The following RANGAP1 variants were observed in gnomAD, a reference collection of about 807,000 sequenced individuals.
The protein encoded by RANGAP1 is Ran GTPase activating protein 1.
Under a neutral mutation model 63.5 loss-of-function variants are expected in RANGAP1, and 38 were observed. That is an observed-to-expected ratio of 0.60 (90% CI 0.46 to 0.78). The LOEUF (loss-of-function observed/expected upper bound fraction) is 0.78, where lower values mean the gene tolerates loss of function less well. RANGAP1 is among the 30% of genes least tolerant of loss of function. RANGAP1 has a pLI of 0.00. For synonymous variants in RANGAP1, 329 were observed against 310.5 expected (o/e 1.06, Z -0.63); for missense variants, 630 against 740.3 (o/e 0.85, Z 1.73).
At chr22:41,270,172 C>T (rs932222650) in intron 3 of RANGAP1, among the ~76,000 whole-genome samples, 1 of 151,814 alleles carries the variant, frequency 6.6e-6, no homozygotes, top group Non-Finnish European at 1.5e-5. Context: ...GACGGAGTTT[C>T]ACTCATCGCC....
chr22:41,281,076 C>G lies in RANGAP1; in HGVS notation c.-32G>C, dbSNP rs985247334. Reference sequence around the variant, plus strand: ...TAGGCTGGTGGGCTCCCCTGGAGATCTGCAGACTGAGGAGGCCAAAGTTGC... The same window carrying G: ...TAGGCTGGTGGGCTCCCCTGGAGATGTGCAGACTGAGGAGGCCAAAGTTGC... On this transcript the variant is annotated 5_prime_UTR_variant, in exon 2 of 16. Coordinates refer to ENST00000356244, the MANE Select transcript of RANGAP1 (RefSeq NM_002883.4). 6.4e-7 allele frequency: 1 copy of G among 1,552,428 alleles called. No individual in the cohort carries two copies. The highest frequency in any genetic ancestry group is 2.2e-5 in the East Asian group (1 of 44,578).
chr22:41,285,830 C>G, intron 1 of RANGAP1, 156 bp downstream of exon 1: 1 of 542,720 alleles, frequency 1.8e-6, no homozygotes, highest in Non-Finnish European at 2.3e-6. Context: ...TCAACAACCC[C>G]ACTCCCACCG....
At position 41,244,984 on chromosome 22, in the gene RANGAP1, TA is replaced by T. The variant is rs1346030269; in HGVS notation, c.*1618del. On this transcript the variant is annotated 3_prime_UTR_variant, in exon 16 of 16. Coordinates refer to ENST00000356244, the MANE Select transcript of RANGAP1 (RefSeq NM_002883.4). The stretch of plus-strand genomic sequence containing the variant: ...ATTTGCTTATTCTAGATGCCTCATC[TA>T]AATGGAATCATATTTGTCCTTTTGT... Among the ~76,000 whole-genome samples, 1 of 152,238 alleles carries T rather than the reference TA, an allele frequency of 6.6e-6. No homozygotes were observed. The highest frequency in any genetic ancestry group is 1.5e-5 in the Non-Finnish European group (1 of 68,052).
chr22:41,277,510 G>A (rs949020466), intron 2 of RANGAP1: 28 of 1,196,286 alleles, frequency 2.3e-5, no homozygotes, highest in Non-Finnish European at 3.0e-5. Flanking sequence ...GGTACAGGAT[G>A]GAGTAGGGTG....
chr22:41,288,632 A>G (rs2035800687), upstream of RANGAP1, among the ~76,000 whole-genome samples: 1 of 152,082 alleles, frequency 6.6e-6, no homozygotes, highest in Admixed American at 6.6e-5. Context: ...TCCCAAAGGG[A>G]AGAGGAAGGT....
intron 10 of RANGAP1, 82 bp downstream of exon 10, chr22:41,255,939 G>T: frequency 7.2e-7 from 1 of 1,387,054 alleles, no homozygotes; most frequent in Non-Finnish European, 1.0e-6. Flanking sequence ...GGGGAACAGA[G>T]CAAGACTCCA....
chr22:41,249,719 C>G lies in RANGAP1; in HGVS notation c.1572+10G>C. 2.5e-6 allele frequency: 4 copies of G among 1,609,842 alleles called. No homozygotes were observed. Among genetic ancestry groups the G allele is most frequent in the Non-Finnish European group, 3.4e-6 (4 of 1,176,156 alleles). On this transcript the variant is annotated intron_variant, in intron 14 of 15. Transcript: ENST00000356244. ...CTCCCTCCCGGGCCTGCTGTTCCTT[C>G]CGGCCTCACCTTGAGCAGACCCATG...
At chr22:41,290,378 C>T (rs1212231711), upstream of RANGAP1, among the ~76,000 whole-genome samples, 1 of 151,960 alleles carries the variant, frequency 6.6e-6, no homozygotes, top group African/African-American at 2.4e-5. Context: ...TACAGGTTCC[C>T]ACCACCATGC....
At position 41,254,786 on chromosome 22, in the gene RANGAP1, C is replaced by T. The variant is rs1164657568; in HGVS notation, c.1074-292G>A. Reference sequence around the variant, plus strand: ...AGGAGATCGAGACCATCCTGGCTAACGTGGTGAAACCCCGTCTCTACTAAA... The same window carrying T: ...AGGAGATCGAGACCATCCTGGCTAATGTGGTGAAACCCCGTCTCTACTAAA... On this transcript the variant is annotated intron_variant, in intron 10 of 15. Coordinates refer to ENST00000356244, the MANE Select transcript of RANGAP1 (RefSeq NM_002883.4). 3.5e-5 allele frequency: 11 copies of T among 316,222 alleles called. 1 individual carries two copies. The South Asian group carries it at 8.7e-4, about 25-fold the overall frequency. The allele number at this position is 316,222 out of a possible 1,614,324, so 19.6% of individuals were successfully genotyped here.
intron 14 of RANGAP1, 62 bp from the exon 15 acceptor site, chr22:41,249,513 TCCA>T (rs2033286669): frequency 3.3e-5 from 53 of 1,605,456 alleles, no homozygotes; most frequent in Non-Finnish European, 4.5e-5. Context: ...GCCCCTGGAC[TCCA>T]CCATCCAGAC....
intron 1 of RANGAP1, among the ~76,000 whole-genome samples, chr22:41,284,563 G>A (rs527483393): frequency 2.7e-5 from 4 of 147,958 alleles, no homozygotes; most frequent in Admixed American, 1.4e-4. Context: ...GTGAAACTCC[G>A]TCTCAAAAAA....
At chr22:41,254,131 G>C (rs1197669987) in intron 11 of RANGAP1, among the ~76,000 whole-genome samples, 177 bp downstream of exon 11, 1 of 151,444 alleles carries the variant, frequency 6.6e-6, no homozygotes, top group Non-Finnish European at 1.5e-5. Context: ...AAGAAATATA[G>C]GTAACTATCA....
At chr22:41,279,415 A>G (rs982449423) in intron 2 of RANGAP1, among the ~76,000 whole-genome samples, 17 of 151,688 alleles carry the variant, frequency 1.1e-4, no homozygotes, top group Non-Finnish European at 2.2e-4. Context: ...GCTTACAGTG[A>G]GCCGAGATTG....
intron 1 of RANGAP1, chr22:41,285,614 G>A: frequency 1.0e-6 from 1 of 985,430 alleles, no homozygotes; most frequent in Non-Finnish European, 1.2e-6. Flanking sequence ...GTGGCTCTGC[G>A]GGAGCGACGC....
rs1473002472 is a variant in RANGAP1, at chr22:41,256,054, C to T, written c.1040G>A (p.Gly347Asp). 6.2e-7 allele frequency: 1 copy of T among 1,613,992 alleles called. No homozygotes were observed. Residue 347 changes from glycine to aspartate, a missense_variant, in exon 10 of 16, where the codon GGC (glycine) becomes GAC (aspartate). Transcript: ENST00000356244. ...GCEQLQEVLE[G>D]FNMAKVLASL... Reference sequence around the variant, plus strand: ...CGCCAGCACCTTGGCCATGTTGAAGCCCTCCAGCACCTCCTGAAGCTGTTC... The same window carrying T: ...CGCCAGCACCTTGGCCATGTTGAAGTCCTCCAGCACCTCCTGAAGCTGTTC...
intron 13 of RANGAP1, among the ~76,000 whole-genome samples, chr22:41,250,675 GCTTGGCTCTCA>G (rs1212898186): frequency 6.6e-6 from 1 of 152,200 alleles, no homozygotes; most frequent in Non-Finnish European, 1.5e-5. Context: ...GTGGACAAGG[GCTTGGCTCTCA>G]CCATCCCTCC....
the RANGAP1 span, among the ~76,000 whole-genome samples, chr22:41,291,735 A>T: frequency 4.0e-5 from 6 of 150,968 alleles, no homozygotes; most frequent in African/African-American, 4.9e-5. Context: ...CGTCTCTACT[A>T]AAAAAATACA....
At chr22:41,253,581 G>C (rs1454828008) in intron 11 of RANGAP1, among the ~76,000 whole-genome samples, 1 of 152,150 alleles carries the variant, frequency 6.6e-6, no homozygotes, top group Non-Finnish European at 1.5e-5. Context: ...CCAGACAAGG[G>C]ACACCAAGTG....
At chr22:41,248,108 G>A (rs1266968775) in intron 15 of RANGAP1, among the ~76,000 whole-genome samples, 1 of 150,740 alleles carries the variant, frequency 6.6e-6, no homozygotes, top group Non-Finnish European at 1.5e-5. Context: ...AACAAGCTCT[G>A]GACAGCATGG....
Sources: gnomAD v4.1 joint callset for allele counts (sites outside exome capture counted in the v4.1 genomes callset) on GRCh38, gnomAD v4.1.1 for gene constraint, MANE v1.5 for transcripts, NCBI Gene and HGNC (gene_info 2026-07-23, HGNC 2026-07-21) for gene names.